The following MAPKAP1 variants were observed in gnomAD, a reference collection of about 807,000 sequenced individuals.
MAPKAP1 encodes target of rapamycin complex 2 subunit MAPKAP1.
Under a neutral mutation model 65.7 loss-of-function variants are expected in MAPKAP1, and 20 were observed. That is an observed-to-expected ratio of 0.30 (90% CI 0.21 to 0.44). The LOEUF (loss-of-function observed/expected upper bound fraction) is 0.44, where lower values mean the gene tolerates loss of function less well. MAPKAP1 is among the 20% of genes least tolerant of loss of function. The pLI, the probability that MAPKAP1 is intolerant of heterozygous loss-of-function variation, is 1.00. For missense variants in MAPKAP1, 423 were observed against 648.0 expected, an observed-to-expected ratio of 0.65 and a Z score of 3.77; for synonymous variants, 222 against 244.3, an observed-to-expected ratio of 0.91 and a Z score of 0.85.
intron 4 of MAPKAP1, among the ~76,000 whole-genome samples, chr9:125,649,078 ATTC>A (rs1833815888): frequency 6.6e-6 from 1 of 152,226 alleles, no homozygotes; most frequent in South Asian, 2.1e-4. Flanking sequence ...TCATGGCCTC[ATTC>A]TTCGAGGGAG....
At chr9:125,542,938 CA>C (rs1564549630) in intron 7 of MAPKAP1, 120 bp downstream of exon 7, 1 of 818,148 alleles carries the variant, frequency 1.2e-6, no homozygotes, top group East Asian at 2.4e-5. Context: ...ATCAGCTAAC[CA>C]AACCTTCTAG....
At chr9:125,546,485 T>A (rs1008172468) in intron 6 of MAPKAP1, among the ~76,000 whole-genome samples, 2 of 152,222 alleles carry the variant, frequency 1.3e-5, no homozygotes, top group Admixed American at 1.3e-4. Context: ...AGCCTCCGTC[T>A]AGGTGCAAGT....
intron 4 of MAPKAP1, among the ~76,000 whole-genome samples, chr9:125,586,000 T>A (rs570061460): frequency 2.1e-4 from 32 of 151,666 alleles, no homozygotes; most frequent in African/African-American, 7.7e-4. Context: ...GTGAGTAGAG[T>A]TCATGTTTGG....
At chr9:125,635,310 T>C (rs1833392596) in intron 4 of MAPKAP1, among the ~76,000 whole-genome samples, 1 of 152,190 alleles carries the variant, frequency 6.6e-6, no homozygotes, top group African/African-American at 2.4e-5. Context: ...ATTAGAAACA[T>C]TTCCCAATAC....
At chr9:125,663,846 G>T (rs1834259401) in intron 3 of MAPKAP1, among the ~76,000 whole-genome samples, 1 of 152,076 alleles carries the variant, frequency 6.6e-6, no homozygotes, top group African/African-American at 2.4e-5. Flanking sequence ...CAACTAAAAA[G>T]TCCTGACGAA....
Position 125,595,726 on chromosome 9 carries a change from G to A in MAPKAP1, c.499-9999C>T, listed in dbSNP as rs1334356601. On this transcript the variant is annotated intron_variant, in intron 4 of 11. Transcript: ENST00000265960. The surrounding 1 kb of genome is among the most constrained non-coding windows in gnomAD (Gnocchi z 4.0). The stretch of plus-strand genomic sequence containing the variant: ...AGCTAAGGAATCTCTTCATTGGAGG[G>A]TTGAGCTTTGAAACAACCAATGAGA... The A allele has an allele frequency of 2.0e-6, 3 of 1,531,414 alleles. No individual in the cohort carries two copies. The highest frequency in any genetic ancestry group is 1.4e-5 in the African/African-American group (1 of 73,470). The allele number at this position is 1,531,414 out of a possible 1,614,324, so 94.9% of individuals were successfully genotyped here.
intron 7 of MAPKAP1, among the ~76,000 whole-genome samples, chr9:125,509,781 T>C (rs1829247750): frequency 6.6e-6 from 1 of 151,976 alleles, no homozygotes; most frequent in Non-Finnish European, 1.5e-5. Flanking sequence ...GCCGGTCTCC[T>C]TTGCACATTT....
In MAPKAP1 at chr9:125,492,625, G is replaced by A. The variant is rs146183664; in HGVS notation, c.1067-8042C>T. On this transcript the variant is annotated intron_variant, in intron 8 of 11. Transcript: ENST00000265960. ...AAATCATAGCTCAGATGAACTCACC[G>A]TATATTACTGGAAGATTCCTTGTAC... Among the ~76,000 whole-genome samples, 830 of 152,270 alleles carry A rather than the reference G, an allele frequency of 5.5e-3. 2 individuals are homozygous for A. The highest frequency in any genetic ancestry group is 0.017 in the Middle Eastern group (5 of 294).
intron 6 of MAPKAP1, among the ~76,000 whole-genome samples, chr9:125,554,280 A>G (rs1830670757): frequency 6.6e-6 from 1 of 152,190 alleles, no homozygotes; most frequent in Admixed American, 6.5e-5. Flanking sequence ...GCCAAGTCAC[A>G]CTATACACAA....
chr9:125,472,592 G>A (rs1230008455), intron 9 of MAPKAP1, among the ~76,000 whole-genome samples: 2 of 152,180 alleles, frequency 1.3e-5, no homozygotes. Context: ...ACTGTTTTAA[G>A]TAATTCAAAT....
chr9:125,596,508 T>C (rs201892730), intron 4 of MAPKAP1: 39 of 734,932 alleles, frequency 5.3e-5, no homozygotes, highest in Non-Finnish European at 9.3e-5. Context: ...AAGGAAACTT[T>C]GGAGGCAGAA....
chr9:125,441,609 T>C (rs1206466987), intron 11 of MAPKAP1, among the ~76,000 whole-genome samples: 1 of 152,186 alleles, frequency 6.6e-6, no homozygotes, highest in African/African-American at 2.4e-5. Flanking sequence ...TCAATTTCCA[T>C]CTAAGCTCTC....
intron 10 of MAPKAP1, among the ~76,000 whole-genome samples, chr9:125,458,446 T>A (rs1472438861): frequency 1.3e-5 from 2 of 152,198 alleles, no homozygotes; most frequent in Middle Eastern, 3.4e-3. Context: ...TTCAAGCATC[T>A]GTTTAACAAA....
intron 6 of MAPKAP1, among the ~76,000 whole-genome samples, chr9:125,555,168 T>A (rs1393540223): frequency 6.6e-6 from 1 of 152,252 alleles, no homozygotes; most frequent in East Asian, 1.9e-4. Flanking sequence ...CAGAACTTTG[T>A]ATTTGCATGT....
intron 1 of MAPKAP1, among the ~76,000 whole-genome samples, chr9:125,689,453 A>AC (rs1835095914): frequency 1.4e-5 from 2 of 143,854 alleles, no homozygotes; most frequent in Non-Finnish European, 3.1e-5. Flanking sequence ...AAAAAAAAAA[A>AC]AAAAAAAAAC....
chr9:125,483,662 G>A (rs746431073), intron 9 of MAPKAP1, among the ~76,000 whole-genome samples: 2 of 152,272 alleles, frequency 1.3e-5, no homozygotes, highest in East Asian at 3.9e-4. Context: ...GTGCACTTGA[G>A]TTGGTCAGAC....
chr9:125,445,145 C>A (rs1428849297), intron 10 of MAPKAP1, among the ~76,000 whole-genome samples: 4 of 149,442 alleles, frequency 2.7e-5, no homozygotes, highest in African/African-American at 9.9e-5. Context: ...AGGATGGGGG[C>A]GGGGGGGGCA....
chr9:125,698,300 T>TATATAA (rs1835474574), intron 1 of MAPKAP1, among the ~76,000 whole-genome samples: 1 of 16,150 alleles, frequency 6.2e-5, no homozygotes, highest in Non-Finnish European at 1.4e-4. Flanking sequence ...TATATATATA[T>TATATAA]ATATATATAT....
At chr9:125,521,882 T>A in intron 7 of MAPKAP1, 1 of 863,570 alleles carries the variant, frequency 1.2e-6, no homozygotes, top group Non-Finnish European at 1.9e-6. Flanking sequence ...TTAGAGCCAA[T>A]TGTTTTCAGT....
Sources: allele counts gnomAD v4.1 joint callset (sites outside exome capture counted in the v4.1 genomes callset), GRCh38; gene constraint gnomAD v4.1.1; non-coding constraint Gnocchi (gnomAD v3.1); transcripts MANE v1.5; gene names NCBI Gene and HGNC (gene_info 2026-07-23, HGNC 2026-07-21).